ABLIM1: variants seen among roughly 807,000 people sequenced by gnomAD.
ABLIM1 encodes actin-binding LIM protein 1.
In ABLIM1, 40 loss-of-function variants were observed where a neutral mutation model predicts 107.0. The ratio of observed to expected loss-of-function variants is 0.37; its 90% CI spans 0.29 to 0.49. The LOEUF (loss-of-function observed/expected upper bound fraction) is 0.49. Ranked by LOEUF, ABLIM1 falls within the 20% of genes least tolerant of loss-of-function variation. The pLI is 0.97. For missense variants in ABLIM1, 857 were observed against 1,008.5 expected, an observed-to-expected ratio of 0.85 and a Z score of 2.04; for synonymous variants, 357 against 357.3, an observed-to-expected ratio of 1.00 and a Z score of 0.01.
chr10:114,769,422 G>GGAAAGAAA (rs201904899), upstream of ABLIM1, among the ~76,000 whole-genome samples: 1,927 of 51,730 alleles, frequency 0.037, 18 homozygotes, highest in East Asian at 0.064. Context: ...AAGAAAAGAA[G>GGAAAGAAA]GAAAGAAAGA....
rs548490100 is a variant in ABLIM1 at position 114,635,584 on chromosome 10, G to A, written c.244+22373C>T. Among the ~76,000 whole-genome samples the A allele has an allele frequency of 3.8e-3, 582 of 152,342 alleles. 6 individuals are homozygous for A. Among genetic ancestry groups the A allele is most frequent in the African/African-American group, 0.014 (567 of 41,582 alleles). ...CTGTCACCCAGGCTGGAGTGCAGTG[G>A]CACATCTCAGGTCACTGCAACCTCC... On this transcript the variant is annotated intron_variant, in intron 1 of 22. Coordinates refer to ENST00000533213, the MANE Select transcript of ABLIM1 (RefSeq NM_002313.7).
At chr10:114,555,307 G>T (rs2068582275) in intron 4 of ABLIM1, among the ~76,000 whole-genome samples, 1 of 152,136 alleles carries the variant, frequency 6.6e-6, no homozygotes, top group African/African-American at 2.4e-5. Flanking sequence ...AGAGCCAGAG[G>T]GACTTTATAG....
intron 1 of ABLIM1, among the ~76,000 whole-genome samples, chr10:114,604,921 A>G (rs1190704347): frequency 6.6e-6 from 1 of 152,220 alleles, no homozygotes; most frequent in Non-Finnish European, 1.5e-5. Context: ...GCCACTGCCA[A>G]TGCTGGCACC....
At chr10:114,498,903 C>A (rs1406246667) in intron 6 of ABLIM1, among the ~76,000 whole-genome samples, 1 of 152,210 alleles carries the variant, frequency 6.6e-6, no homozygotes, top group Non-Finnish European at 1.5e-5. Context: ...TAATAACAGT[C>A]ATTGTGGGCT....
chr10:114,656,102 C>T (rs2079500077), intron 1 of ABLIM1, among the ~76,000 whole-genome samples: 2 of 152,132 alleles, frequency 1.3e-5, no homozygotes, highest in South Asian at 2.1e-4. Flanking sequence ...GAAACCCCAT[C>T]TCTACTAAAA....
At chr10:114,469,573 G>A (rs1477677942) in intron 10 of ABLIM1, among the ~76,000 whole-genome samples, 2 of 152,170 alleles carry the variant, frequency 1.3e-5, no homozygotes. Context: ...CTGTCCAGAG[G>A]AGCAACCCAG....
Position 114,545,113 on chromosome 10 carries a change from C to T in ABLIM1, c.801-15G>A, listed in dbSNP as rs758249385. The stretch of plus-strand genomic sequence containing the variant: ...GAGCACCATCCCTGCAAGACAAAAA[C>T]GTGTTCGGCTCCTGAGGAGGTGGCC... On this transcript the variant is annotated splice_polypyrimidine_tract_variant and intron_variant, in intron 5 of 22. Coordinates refer to ENST00000533213, the MANE Select transcript of ABLIM1 (RefSeq NM_002313.7). The T allele has an allele frequency of 5.4e-5, 87 of 1,613,406 alleles. 1 individual carries two copies. The highest frequency in any genetic ancestry group is 6.4e-5 in the Non-Finnish European group (75 of 1,179,454).
At chr10:114,590,400 G>T (rs189444054) in intron 2 of ABLIM1, among the ~76,000 whole-genome samples, 26 of 152,248 alleles carry the variant, frequency 1.7e-4, no homozygotes, top group African/African-American at 5.1e-4. Context: ...ATCAGCGTCT[G>T]GGTCACTCTG....
intron 1 of ABLIM1, among the ~76,000 whole-genome samples, chr10:114,675,994 C>A (rs1044075667): frequency 6.6e-6 from 1 of 152,108 alleles, no homozygotes; most frequent in Non-Finnish European, 1.5e-5. Flanking sequence ...CCCTCATGAC[C>A]TCATCTTAAC....
intron 5 of ABLIM1, among the ~76,000 whole-genome samples, chr10:114,545,870 T>A (rs1401102484): frequency 6.9e-6 from 1 of 144,512 alleles, no homozygotes; most frequent in African/African-American, 2.6e-5. Flanking sequence ...GGTGGAGGTT[T>A]CAGTGAGCCA....
At chr10:114,679,755 G>A (rs2080662956) in intron 1 of ABLIM1, among the ~76,000 whole-genome samples, 1 of 151,950 alleles carries the variant, frequency 6.6e-6, no homozygotes, top group South Asian at 2.1e-4. Context: ...GAACAGAAAT[G>A]CCCCAGTTTT....
intron 12 of ABLIM1, among the ~76,000 whole-genome samples, chr10:114,459,354 T>A (rs1389776507): frequency 6.6e-6 from 1 of 152,246 alleles, no homozygotes; most frequent in Non-Finnish European, 1.5e-5. Context: ...CATTGACTTA[T>A]CTCAAAGATA....
chr10:114,664,790 C>T (rs950268204), intron 1 of ABLIM1, among the ~76,000 whole-genome samples: 20 of 150,536 alleles, frequency 1.3e-4, no homozygotes, highest in Non-Finnish European at 2.7e-4. Flanking sequence ...GTGATCCGCT[C>T]GCCTCAGCCT....
upstream of ABLIM1, among the ~76,000 whole-genome samples, chr10:114,689,459 T>G (rs1178686836): frequency 6.6e-6 from 1 of 150,726 alleles, no homozygotes. Flanking sequence ...CCTCCCGGGT[T>G]CAAGCCATTC....
rs1414503212 is a variant in ABLIM1, at chr10:114,512,556, G to A, written c.895-20678C>T. Among the ~76,000 whole-genome samples, 13 of 150,818 alleles carry A rather than the reference G, an allele frequency of 8.6e-5. No individual in the cohort carries two copies. In the Admixed American group the frequency reaches 8.7e-4, roughly 10 times the overall value. On this transcript the variant is annotated intron_variant, in intron 6 of 22. Coordinates refer to ENST00000533213, the MANE Select transcript of ABLIM1 (RefSeq NM_002313.7). ...TAGCAGAATCCAGGCCAGGTGTGGTGGCTCACGCCTGTAATCCCAGCACTT... is the reference window on the plus strand; with the variant it reads ...TAGCAGAATCCAGGCCAGGTGTGGTAGCTCACGCCTGTAATCCCAGCACTT...
chr10:114,516,352 T>C (rs559315343), intron 6 of ABLIM1, among the ~76,000 whole-genome samples: 48 of 152,242 alleles, frequency 3.2e-4, no homozygotes, highest in African/African-American at 1.1e-3. Flanking sequence ...GGCAAAACCC[T>C]GTCTCTACTA....
At chr10:114,696,170 C>T (rs1266486070) in intron 1 of ABLIM1, among the ~76,000 whole-genome samples, 9 of 152,190 alleles carry the variant, frequency 5.9e-5, no homozygotes, top group Non-Finnish European at 1.5e-5. Flanking sequence ...TGCCCAGGCT[C>T]CACCCAGGGA....
At chr10:114,753,673 T>G (rs1437173433) in intron 1 of ABLIM1, among the ~76,000 whole-genome samples, 1 of 152,224 alleles carries the variant, frequency 6.6e-6, no homozygotes, top group African/African-American at 2.4e-5. Flanking sequence ...TTACATTGTA[T>G]ATTCATAACT....
the ABLIM1 span, among the ~76,000 whole-genome samples, chr10:114,784,665 C>CAAAAAAAAAAAAAAAAAAA: frequency 1.1e-5 from 1 of 87,996 alleles, no homozygotes; most frequent in Non-Finnish European, 2.1e-5. Context: ...AGACTCACCT[C>CAAAAAAAAAAAAAAAAAAA]AAAAAAAAAA....
Sources: gnomAD v4.1 joint callset for allele counts (sites outside exome capture counted in the v4.1 genomes callset) on GRCh38, gnomAD v4.1.1 for gene constraint, MANE v1.5 for transcripts, NCBI Gene and HGNC (gene_info 2026-07-23, HGNC 2026-07-21) for gene names.